OTOGL: variants seen among roughly 807,000 people sequenced by gnomAD.
OTOGL encodes otogelin like, also known as otogelin-like protein.
A neutral mutation model predicts 318.5 loss-of-function variants in OTOGL; 285 were observed. That is an observed-to-expected ratio of 0.89 (90% CI 0.81 to 0.99). The LOEUF is 0.99. OTOGL is among the 50% of genes least tolerant of loss of function. The probability of loss-of-function intolerance (pLI) is 0.00; values close to 1 mark genes in which losing one functional copy is unlikely to be tolerated. For synonymous variants in OTOGL, 987 were observed against 936.5 expected (o/e 1.05, Z -0.99); for missense variants, 2,899 against 2,845.6 (o/e 1.02, Z -0.43).
intron 1 of OTOGL, among the ~76,000 whole-genome samples, chr12:80,182,832 T>C (rs1169989408): frequency 1.3e-5 from 2 of 152,226 alleles, no homozygotes; most frequent in African/African-American, 4.8e-5. Flanking sequence ...GTTTGTACTT[T>C]ATTGAAGGAA....
At chr12:80,318,024 T>C (rs906655289) in intron 32 of OTOGL, among the ~76,000 whole-genome samples, 5 of 152,274 alleles carry the variant, frequency 3.3e-5, no homozygotes, top group Non-Finnish European at 7.4e-5. Context: ...TTGAAAATAA[T>C]GTATCCTCTC....
At position 80,340,755 on chromosome 12, in the gene OTOGL, C is replaced by T. The variant is rs575762333; in HGVS notation, c.5051-1193C>T. 2.6e-5 allele frequency among the ~76,000 whole-genome samples: 4 copies of T among 152,206 alleles called. No individual in the cohort carries two copies. The South Asian group carries it at 8.3e-4, about 32-fold the overall frequency. On this transcript the variant is annotated intron_variant, in intron 43 of 58. Transcript: ENST00000547103. ...AGCTTCTAGTGAGTAAGACTGTTATCCAAACAGGGTCTGAACACTGGAATG... is the reference window on the plus strand; with the variant it reads ...AGCTTCTAGTGAGTAAGACTGTTATTCAAACAGGGTCTGAACACTGGAATG...
At chr12:80,270,213 C>A in intron 23 of OTOGL, 59 bp downstream of exon 23, 1 of 1,395,800 alleles carries the variant, frequency 7.2e-7, no homozygotes, top group East Asian at 2.3e-5. Context: ...CACCTCCACT[C>A]CTGGCAGAAG....
chr12:80,104,733 G>C (rs1869352864), intron 1 of OTOGL, among the ~76,000 whole-genome samples: 1 of 152,064 alleles, frequency 6.6e-6, no homozygotes, highest in African/African-American at 2.4e-5. Context: ...AGTAAGGATT[G>C]TGTATCATCA....
At chr12:80,221,942 G>A in intron 6 of OTOGL, 149 bp from the exon 7 acceptor site, 1 of 804,838 alleles carries the variant, frequency 1.2e-6, no homozygotes, top group Non-Finnish European at 1.8e-6. Flanking sequence ...GAGAGCAACT[G>A]TTAATTTTAT....
chr12:80,176,202 A>G (rs958627804), intron 1 of OTOGL, among the ~76,000 whole-genome samples: 1 of 152,172 alleles, frequency 6.6e-6, no homozygotes, highest in African/African-American at 2.4e-5. Flanking sequence ...CACGTATATG[A>G]TACTTTCTGC....
chr12:80,132,945 T>C (rs995180479), intron 1 of OTOGL, among the ~76,000 whole-genome samples: 4 of 152,230 alleles, frequency 2.6e-5, no homozygotes, highest in Non-Finnish European at 4.4e-5. Context: ...AAGGGCAAGA[T>C]GAATACTTAG....
chr12:80,149,717 G>T, intron 1 of OTOGL, among the ~76,000 whole-genome samples: 1 of 152,204 alleles, frequency 6.6e-6, no homozygotes. Context: ...AGCAATCATC[G>T]AGACTCCATG....
At position 80,262,079 on chromosome 12, in the gene OTOGL, T is replaced by A; in HGVS notation, c.2000T>A (p.Ile667Asn). 6.2e-7 allele frequency: 1 copy of A among 1,608,404 alleles called. No homozygotes were observed. ...VHVPVVDPCN[I>N]NQQNIGYAAH... ...GTCCCAGTGGTGGACCCCTGTAACATCAATCAACAAAACAGTAAGTTTTGC... is the reference window on the plus strand; with the variant it reads ...GTCCCAGTGGTGGACCCCTGTAACAACAATCAACAAAACAGTAAGTTTTGC... Residue 667 changes from isoleucine to asparagine, a missense_variant, in exon 19 of 59, where the codon ATC (isoleucine) becomes AAC (asparagine). Transcript: ENST00000547103.
At chr12:80,123,392 T>A (rs1297238903) in intron 1 of OTOGL, among the ~76,000 whole-genome samples, 1 of 152,182 alleles carries the variant, frequency 6.6e-6, no homozygotes, top group Non-Finnish European at 1.5e-5. Flanking sequence ...TGTAGTATTC[T>A]ATGGTGTATA....
At position 80,222,257 on chromosome 12, in the gene OTOGL, T is replaced by G; in HGVS notation, c.489+12T>G. On this transcript the variant is annotated intron_variant, in intron 7 of 58. Transcript: ENST00000547103. ...GGTACACTGTATGGGTAGGTGATTG[T>G]AGGACATGATTAACTTAAAAATATT... 6.4e-7 allele frequency: 1 copy of G among 1,560,724 alleles called. No individual in the cohort carries two copies. The highest frequency in any genetic ancestry group is 8.6e-7 in the Non-Finnish European group (1 of 1,158,376).
intron 1 of OTOGL, among the ~76,000 whole-genome samples, chr12:80,149,774 A>G (rs1161203254): frequency 2.0e-5 from 3 of 152,198 alleles, no homozygotes; most frequent in Non-Finnish European, 2.9e-5. Context: ...CTTGTGGTGC[A>G]CCGTTTTTTA....
At chr12:80,117,346 T>G (rs1870231057) in intron 1 of OTOGL, among the ~76,000 whole-genome samples, 1 of 152,174 alleles carries the variant, frequency 6.6e-6, no homozygotes, top group African/African-American at 2.4e-5. Context: ...ATTTTTCCAT[T>G]AATGGCAGTA....
At chr12:80,264,582 C>T (rs1172494038) in intron 19 of OTOGL, among the ~76,000 whole-genome samples, 1 of 152,184 alleles carries the variant, frequency 6.6e-6, no homozygotes, top group African/African-American at 2.4e-5. Context: ...ATTCCCAATT[C>T]TTCCTAGACA....
chr12:80,378,032 C>T lies in OTOGL; in HGVS notation c.7046C>T (p.Thr2349Met), dbSNP rs747031736. 4 of 1,581,930 alleles carry T rather than the reference C, an allele frequency of 2.5e-6. No individual in the cohort carries two copies. Among genetic ancestry groups the T allele is most frequent in the East Asian group, 2.3e-5 (1 of 43,790 alleles). Residue 2349 changes from threonine (T) to methionine (M), a missense_variant, in exon 59 of 59, where the codon ACG becomes ATG. Thr to Met is a moderately conservative substitution (Grantham distance 81, BLOSUM62 -1). Around this residue, in one of 3 missense-constraint regions of OTOGL, gnomAD observed 289 missense variants for 304.6 expected, o/e 0.95. Transcript: ENST00000547103. ...MYTLQEPIDC[T>M]CQWN Reference sequence around the variant, plus strand: ...ACTCTCCAGGAACCCATAGACTGTACGTGCCAGTGGAATTAAACCCTTGGG... The same window carrying T: ...ACTCTCCAGGAACCCATAGACTGTATGTGCCAGTGGAATTAAACCCTTGGG...
chr12:80,170,782 C>T (rs760512143), intron 1 of OTOGL, among the ~76,000 whole-genome samples: 6 of 152,036 alleles, frequency 3.9e-5, no homozygotes, highest in Non-Finnish European at 7.4e-5. Flanking sequence ...ATTTTGTATA[C>T]TCTGTCAGTT....
chr12:80,203,873 A>T (rs771490064), intron 1 of OTOGL, among the ~76,000 whole-genome samples: 38 of 152,188 alleles, frequency 2.5e-4, no homozygotes, highest in Non-Finnish European at 3.2e-4. Flanking sequence ...GCCGTGAAGG[A>T]TGGTTTGGGA....
intron 11 of OTOGL, among the ~76,000 whole-genome samples, chr12:80,240,633 A>C (rs1880294674): frequency 6.6e-6 from 1 of 152,112 alleles, no homozygotes; most frequent in Non-Finnish European, 1.5e-5. Context: ...TGACAAAGTC[A>C]CTGATATCAC....
chr12:80,342,234 T>C (rs1299245954), intron 44 of OTOGL, 72 bp downstream of exon 44: 4 of 1,197,908 alleles, frequency 3.3e-6, no homozygotes, highest in South Asian at 1.5e-5. Context: ...TACGTTACTG[T>C]TCTTGCTATA....
Sources: allele counts gnomAD v4.1 joint callset (sites outside exome capture counted in the v4.1 genomes callset), GRCh38; gene constraint gnomAD v4.1.1; regional missense constraint gnomAD v4.1.1; transcripts MANE v1.5; gene names NCBI Gene and HGNC (gene_info 2026-07-23, HGNC 2026-07-21).